The following PARP14 variants were observed in gnomAD, a reference collection of about 807,000 sequenced individuals.
PARP14 encodes poly(ADP-ribose) polymerase family member 14.
Under a neutral mutation model 154.2 loss-of-function variants are expected in PARP14, and 59 were observed. That is an observed-to-expected ratio of 0.38 (90% CI 0.31 to 0.48). The LOEUF is 0.48. PARP14 is among the 20% of genes least tolerant of loss of function. PARP14 has a pLI of 0.98. For synonymous variants in PARP14, 720 were observed against 780.5 expected (o/e 0.92, Z 1.29); for missense variants, 1,734 against 2,131.6 (o/e 0.81, Z 3.67).
intron 8 of PARP14, among the ~76,000 whole-genome samples, chr3:122,705,373 A>G (rs1228029170): frequency 6.6e-6 from 1 of 152,228 alleles, no homozygotes; most frequent in East Asian, 1.9e-4. Context: ...TGGACATAGA[A>G]ATTTTAATAC....
rs549053057 is a variant in PARP14 at position 122,695,406 on chromosome 3, T to C, written c.599-20T>C. ...AATAAAAATTTACTGATTTTCTTTC[T>C]TTTTTTTTTTGGTTTGTAGATACTA... On this transcript the variant is annotated intron_variant, in intron 4 of 16. Transcript: ENST00000474629. 3 of 465,866 alleles carry C rather than the reference T, an allele frequency of 6.4e-6. No homozygotes were observed. Among genetic ancestry groups the C allele is most frequent in the African/African-American group, 2.1e-5 (1 of 47,622 alleles). The allele number at this position is 465,866 out of a possible 1,614,324, so 28.9% of individuals were successfully genotyped here. A position where few individuals can be genotyped will look rare whatever the true frequency, so the allele number is the denominator to read the frequency against.
At chr3:122,697,946 C>A (rs1938832347) in intron 5 of PARP14, among the ~76,000 whole-genome samples, 1 of 152,158 alleles carries the variant, frequency 6.6e-6, no homozygotes, top group Non-Finnish European at 1.5e-5. Flanking sequence ...GTAATCTTGG[C>A]CGAGTTACTT....
chr3:122,700,885 G>C lies in PARP14; in HGVS notation c.2331G>C (p.Glu777Asp), dbSNP rs1182189170. 1 of 1,614,018 alleles carries C rather than the reference G, an allele frequency of 6.2e-7. No individual in the cohort carries two copies. Residue 777 changes from glutamate (E) to aspartate (D), a missense_variant, in exon 6 of 17, where the codon GAG becomes GAC. Physicochemically the swap from Glu to Asp is conservative, Grantham distance 45 (BLOSUM62 2). This residue lies in a region of PARP14 where 1,646 missense variants were observed against 1,976.0 expected (regional missense o/e 0.83). Coordinates refer to ENST00000474629, the MANE Select transcript of PARP14 (RefSeq NM_017554.3). ...TTGGTTGTTACATTGAACTACAGGA[G>C]AATGAAGTAATGAAGGAGGGAGGCA... Reference protein sequence around the residue: ...RLFGCYIELQENEVMKEGGSP... With the variant: ...RLFGCYIELQDNEVMKEGGSP...
intron 4 of PARP14, 72 bp from the exon 5 acceptor site, chr3:122,695,354 A>G: frequency 1.3e-6 from 1 of 763,282 alleles, no homozygotes; most frequent in Non-Finnish European, 2.1e-6. Flanking sequence ...GTAGCCAGAC[A>G]TTTTCTTCTA....
chr3:122,701,560 A>G lies in PARP14; in HGVS notation c.3006A>G (p.Ser1002=), dbSNP rs779355320. 6.2e-7 allele frequency: 1 copy of G among 1,610,088 alleles called. No individual in the cohort carries two copies. Among genetic ancestry groups the G allele is most frequent in the African/African-American group, 1.3e-5 (1 of 74,994 alleles). Residue 1002 remains serine, a synonymous_variant, in exon 6 of 17, where the codon TCA becomes TCG. Transcript: ENST00000474629. This position sits in a 1 kb window ranked among gnomAD's most constrained non-coding sequence, Gnocchi z 4.0. ...PPAAAGPGKT[S]WEKGSLVSPG... Reference sequence around the variant, plus strand: ...CAGCAGCGGGGCCTGGGAAAACATCATGGGAAAAAGGAAGCCTGGTGTCCC... The same window carrying G: ...CAGCAGCGGGGCCTGGGAAAACATCGTGGGAAAAAGGAAGCCTGGTGTCCC...
intron 3 of PARP14, among the ~76,000 whole-genome samples, chr3:122,689,497 C>T (rs79908050): frequency 0.03 from 4,575 of 152,182 alleles, 219 homozygotes; most frequent in African/African-American, 0.1. Flanking sequence ...TTTGTGGAGT[C>T]GTGGTCTCAC....
At chr3:122,720,469 A>G in intron 15 of PARP14, 81 bp downstream of exon 15, 1 of 1,285,200 alleles carries the variant, frequency 7.8e-7, no homozygotes, top group Non-Finnish European at 1.1e-6. Context: ...ATTTTCATTC[A>G]CTTCCTATCA....
rs1297348118 is a variant in PARP14 at position 122,727,986 on chromosome 3, G to A, written c.5116G>A (p.Ala1706Thr). Residue 1706 changes from alanine (A) to threonine (T), a missense_variant and splice_region_variant, in exon 16 of 17, where the codon GCT (alanine) becomes ACT (threonine). Physicochemically the swap from Ala to Thr is moderately conservative, Grantham distance 58 (BLOSUM62 0). This residue lies in a region of PARP14 where 88 missense variants were observed against 155.6 expected (regional missense o/e 0.57). Transcript: ENST00000474629. ...GFNRSYAGKN[A>T]VAYGKGTYFA... is the part of the protein sequence containing the mutation. ...TAACCGCAGCTATGCCGGAAAGAAT[G>A]GTAAGGAAGCGAGTAATCTGGCTGC... 1 of 1,607,872 alleles carries A rather than the reference G, an allele frequency of 6.2e-7. No homozygotes were observed. The highest frequency in any genetic ancestry group is 8.5e-7 in the Non-Finnish European group (1 of 1,176,826).
In PARP14 at chr3:122,699,586, A is replaced by T. The variant is rs764270564; in HGVS notation, c.1032A>T (p.Ile344=). The T allele has an allele frequency of 6.2e-7, 1 of 1,613,880 alleles. No individual in the cohort carries two copies. Among genetic ancestry groups the T allele is most frequent in the East Asian group, 2.2e-5 (1 of 44,882 alleles). The part of the protein sequence containing the change: ...LQKKNHLIEE[I]NDEMRRCHCE... ...AAAAGAATCACCTCATTGAGGAGAT[A>T]AACGATGAAATGAGGCGTTGTCACT... Residue 344 remains isoleucine, a synonymous_variant, in exon 6 of 17, where the codon ATA becomes ATT. Coordinates refer to ENST00000474629, the MANE Select transcript of PARP14 (RefSeq NM_017554.3).
chr3:122,729,092 G>A lies in PARP14; in HGVS notation c.*495G>A, dbSNP rs182937725. On this transcript the variant is annotated 3_prime_UTR_variant, in exon 17 of 17. Coordinates refer to ENST00000474629, the MANE Select transcript of PARP14 (RefSeq NM_017554.3). ...TGAGGTCTGTGCCTGATGTACAACGGATACTCCATAAATGTTTGACAAACC... is the reference window on the plus strand; with the variant it reads ...TGAGGTCTGTGCCTGATGTACAACGAATACTCCATAAATGTTTGACAAACC... 5.2e-3 allele frequency: 802 copies of A among 154,324 alleles called. 5 individuals are homozygous for A. The highest frequency in any genetic ancestry group is 6.7e-3 in the Middle Eastern group (2 of 300). 9.6% of individuals were successfully genotyped at this position (154,324 alleles called of 1,614,324 possible).
In PARP14 at chr3:122,718,805, A is replaced by G. The variant is rs765974283; in HGVS notation, c.4654A>G (p.Thr1552Ala). Residue 1552 changes from threonine (T) to alanine (A), a missense_variant, in exon 14 of 17, where the codon ACC (threonine) becomes GCC (alanine). Transcript: ENST00000474629. Reference sequence around the variant, plus strand: ...CACTTCTCATTGTTTTAACAAAATGACCAATCTGAAATTAGAGGATGCAAG... The same window carrying G: ...CACTTCTCATTGTTTTAACAAAATGGCCAATCTGAAATTAGAGGATGCAAG... ...NNTSHCFNKM[T>A]NLKLEDARRE... The G allele has an allele frequency of 2.2e-5, 35 of 1,613,786 alleles. No homozygotes were observed. The highest frequency in any genetic ancestry group is 3.0e-5 in the Non-Finnish European group (35 of 1,179,822).
Position 122,700,163 on chromosome 3 carries a change from C to A in PARP14, c.1609C>A (p.Gln537Lys). 6.2e-7 allele frequency: 1 copy of A among 1,613,068 alleles called. No homozygotes were observed. The highest frequency in any genetic ancestry group is 8.5e-7 in the Non-Finnish European group (1 of 1,179,412). ...GTACACCATGGCTCAGAAAAACATTCAGGTTTCTCCTGAGATTTTTCAGTT... is the reference window on the plus strand; with the variant it reads ...GTACACCATGGCTCAGAAAAACATTAAGGTTTCTCCTGAGATTTTTCAGTT... ...KVYTMAQKNI[Q>K]VSPEIFQFLQ... The change falls in exon 6 of 17, where the codon CAG becomes AAG. Residue 537 changes from glutamine (Q) to lysine (K), a missense_variant. By Grantham distance (53) the Gln-to-Lys change is moderately conservative (BLOSUM62 1). Coordinates refer to ENST00000474629, the MANE Select transcript of PARP14 (RefSeq NM_017554.3).
intron 8 of PARP14, among the ~76,000 whole-genome samples, chr3:122,707,416 T>TAAATAAATAAATAAAG (rs1447490316): frequency 2.0e-5 from 3 of 151,334 alleles, no homozygotes; most frequent in African/African-American, 7.3e-5. Flanking sequence ...AATAAATAAA[T>TAAATAAATAAATAAAG]AAAGGATTGT....
chr3:122,691,279 G>A (rs1274198901), intron 3 of PARP14, among the ~76,000 whole-genome samples: 1 of 152,134 alleles, frequency 6.6e-6, no homozygotes, highest in East Asian at 1.9e-4. Context: ...AACACGATAA[G>A]AGTCCCCATT....
In PARP14 at chr3:122,700,956, G is replaced by A. The variant is rs1440682486; in HGVS notation, c.2402G>A (p.Gly801Asp). The A allele has an allele frequency of 6.2e-7, 1 of 1,613,938 alleles. No homozygotes were observed. The highest frequency in any genetic ancestry group is 1.7e-5 in the Admixed American group (1 of 60,010). The stretch of plus-strand genomic sequence containing the variant: ...TTCTCTCGGACAGTCTTGGCCCCTG[G>A]CGTTGTGCTGATTGTGCAGCAGGGT... ...KCFSRTVLAP[G>D]VVLIVQQGDL... The change falls in exon 6 of 17, where the codon GGC becomes GAC. Residue 801 changes from glycine (G) to aspartate (D), a missense_variant. Physicochemically the swap from Gly to Asp is moderately conservative, Grantham distance 94 (BLOSUM62 -1). Transcript: ENST00000474629.
intron 7 of PARP14, 71 bp downstream of exon 7, chr3:122,704,049 T>A: frequency 1.0e-6 from 1 of 990,522 alleles, no homozygotes; most frequent in Non-Finnish European, 1.6e-6. Flanking sequence ...AGCATATTAA[T>A]TGGACATAGA....
chr3:122,693,324 T>G (rs561857603), intron 4 of PARP14, among the ~76,000 whole-genome samples: 1 of 152,282 alleles, frequency 6.6e-6, no homozygotes, highest in African/African-American at 2.4e-5. Flanking sequence ...AACAAGTACA[T>G]TTTCCAATTC....
At chr3:122,696,609 C>T (rs1938786386) in intron 5 of PARP14, among the ~76,000 whole-genome samples, 1 of 152,160 alleles carries the variant, frequency 6.6e-6, no homozygotes, top group Non-Finnish European at 1.5e-5. Context: ...ATAAAATCCT[C>T]TACCCTAGAA....
At chr3:122,686,573 C>T (rs1208467318) in intron 2 of PARP14, among the ~76,000 whole-genome samples, 1 of 152,198 alleles carries the variant, frequency 6.6e-6, no homozygotes, top group African/African-American at 2.4e-5. Context: ...ATCCTCCTGC[C>T]TCAGCCTCCC....
Sources: allele counts gnomAD v4.1 joint callset (sites outside exome capture counted in the v4.1 genomes callset), GRCh38; gene constraint gnomAD v4.1.1; regional missense constraint gnomAD v4.1.1; non-coding constraint Gnocchi (gnomAD v3.1); transcripts MANE v1.5; gene names NCBI Gene and HGNC (gene_info 2026-07-23, HGNC 2026-07-21).